Variants in TUSC3 observed in about 807,000 individuals in gnomAD.
The protein encoded by TUSC3 is dolichyl-diphosphooligosaccharide--protein glycosyltransferase subunit TUSC3.
In TUSC3, 45 loss-of-function variants were observed where a neutral mutation model predicts 44.8. The observed-to-expected ratio is 1.00, with a 90% CI of 0.79 to 1.29. The LOEUF (loss-of-function observed/expected upper bound fraction) is 1.29. TUSC3 is among the 50% of genes most tolerant of loss of function. TUSC3 has a pLI of 0.00. For missense variants in TUSC3, 519 were observed against 437.9 expected, an observed-to-expected ratio of 1.19 and a Z score of -1.65; for synonymous variants, 212 against 152.9, an observed-to-expected ratio of 1.39 and a Z score of -2.85.
chr8:15,833,431 C>A, the TUSC3 span, among the ~76,000 whole-genome samples: 3 of 152,094 alleles, frequency 2.0e-5, no homozygotes, highest in Non-Finnish European at 2.9e-5. Context: ...CAGCACTATT[C>A]ACATTAACAA....
At chr8:15,680,829 C>T (rs1808395178) in intron 6 of TUSC3, among the ~76,000 whole-genome samples, 1 of 151,936 alleles carries the variant, frequency 6.6e-6, no homozygotes. Context: ...TTTTCTGTGC[C>T]TATTGTGATG....
intron 1 of TUSC3, among the ~76,000 whole-genome samples, chr8:15,446,643 G>C (rs939277067): frequency 6.6e-6 from 1 of 151,188 alleles, no homozygotes; most frequent in Non-Finnish European, 1.5e-5. Flanking sequence ...AGGAGAATCA[G>C]GCAGGGAGGT....
At chr8:15,800,969 G>T in the TUSC3 span, among the ~76,000 whole-genome samples, 1 of 152,184 alleles carries the variant, frequency 6.6e-6, no homozygotes, top group African/African-American at 2.4e-5. Context: ...CTTATTACAT[G>T]CCTGCACTAT....
intron 1 of TUSC3, among the ~76,000 whole-genome samples, chr8:15,586,442 A>C (rs1361700060): frequency 6.6e-6 from 1 of 152,162 alleles, no homozygotes; most frequent in East Asian, 1.9e-4. Context: ...AGAAGGAGTC[A>C]GTAAAGTAAG....
chr8:15,776,955 C>A, the TUSC3 span, among the ~76,000 whole-genome samples: 1 of 152,154 alleles, frequency 6.6e-6, no homozygotes, highest in East Asian at 1.9e-4. Flanking sequence ...AATTTAACTT[C>A]TGTGTGTTGC....
At chr8:15,539,127 G>A (rs1801584850), upstream of TUSC3, among the ~76,000 whole-genome samples, 4 of 151,862 alleles carry the variant, frequency 2.6e-5, no homozygotes, top group South Asian at 6.2e-4. Context: ...GGGTTTACAG[G>A]TGTGAGCCAC....
chr8:15,486,005 G>A (rs1022668044), intron 2 of TUSC3, among the ~76,000 whole-genome samples: 3 of 152,060 alleles, frequency 2.0e-5, no homozygotes, highest in Non-Finnish European at 4.4e-5. Flanking sequence ...TGTTGGGCAG[G>A]CTGGTCTCAA....
chr8:15,534,355 T>G (rs1801492834), intron 2 of TUSC3, among the ~76,000 whole-genome samples: 1 of 152,052 alleles, frequency 6.6e-6, no homozygotes, highest in African/African-American at 2.4e-5. Context: ...GATAAAAACT[T>G]TAGCCGGGCT....
At chr8:15,542,927 T>C (rs921488561) in intron 1 of TUSC3, among the ~76,000 whole-genome samples, 1 of 152,244 alleles carries the variant, frequency 6.6e-6, no homozygotes, top group African/African-American at 2.4e-5. Context: ...GGATCATTTC[T>C]ATAGTTTGTT....
At chr8:15,669,354 T>C (rs1247869326) in intron 5 of TUSC3, among the ~76,000 whole-genome samples, 1 of 151,780 alleles carries the variant, frequency 6.6e-6, no homozygotes, top group Admixed American at 6.6e-5. Flanking sequence ...AGGTAAACTT[T>C]TCTGTGAATA....
At chr8:15,846,994 C>G in the TUSC3 span, among the ~76,000 whole-genome samples, 3 of 152,096 alleles carry the variant, frequency 2.0e-5, no homozygotes, top group African/African-American at 7.2e-5. Context: ...TCACAAGCAT[C>G]CTGATTTCAA....
intron 2 of TUSC3, among the ~76,000 whole-genome samples, chr8:15,640,320 A>G (rs1479742466): frequency 2.6e-5 from 4 of 152,276 alleles, no homozygotes; most frequent in Non-Finnish European, 5.9e-5. Flanking sequence ...TATCTGGTTC[A>G]CTTCAGACTG....
chr8:15,482,629 A>C lies in TUSC3; in HGVS notation n.92-757A>C, dbSNP rs371923284. Among the ~76,000 whole-genome samples, 84 of 152,344 alleles carry C rather than the reference A, an allele frequency of 5.5e-4. 1 individual carries two copies. The South Asian group carries it at 0.016, about 29-fold the overall frequency. ...TTTCATGCCTGCAAACACAACATCCATTCTGCAGGCCATAGATCAAAGAGT... is the reference window on the plus strand; with the variant it reads ...TTTCATGCCTGCAAACACAACATCCCTTCTGCAGGCCATAGATCAAAGAGT... On this transcript the variant is annotated intron_variant and non_coding_transcript_variant, in intron 1 of 5. Transcript: ENST00000503191.
At chr8:15,572,033 A>G (rs1041052186) in intron 1 of TUSC3, among the ~76,000 whole-genome samples, 1 of 152,102 alleles carries the variant, frequency 6.6e-6, no homozygotes, top group African/African-American at 2.4e-5. Context: ...GGAATGGTAA[A>G]TGAACGTTGG....
In TUSC3 at chr8:15,456,784, G is replaced by A. The variant is rs543320652; in HGVS notation, n.92-26602G>A. ...GACAAATTCAAACAGAGAAGGAGAA[G>A]AGGAGGAGGAAAAAAACTCAACGAC... On this transcript the variant is annotated intron_variant and non_coding_transcript_variant, in intron 1 of 5. Coordinates refer to the TUSC3 transcript ENST00000503191. Among the ~76,000 whole-genome samples the A allele has an allele frequency of 1.4e-4, 22 of 152,114 alleles. 1 individual carries two copies. Among genetic ancestry groups the A allele is most frequent in the African/African-American group, 5.1e-4 (21 of 41,518 alleles).
At chr8:15,643,165 C>T (rs970528989) in intron 2 of TUSC3, among the ~76,000 whole-genome samples, 4 of 152,040 alleles carry the variant, frequency 2.6e-5, no homozygotes, top group Non-Finnish European at 5.9e-5. Context: ...GCCTTGCTTC[C>T]CTTTTGCCTT....
intron 1 of TUSC3, among the ~76,000 whole-genome samples, chr8:15,472,281 A>G (rs1047899411): frequency 2.0e-5 from 3 of 152,220 alleles, no homozygotes; most frequent in African/African-American, 7.2e-5. Flanking sequence ...TCTGTAATTT[A>G]AAAGCCTGAG....
At chr8:15,489,443 TTGC>T in intron 2 of TUSC3, among the ~76,000 whole-genome samples, 1 of 152,288 alleles carries the variant, frequency 6.6e-6, no homozygotes, top group Admixed American at 6.5e-5. Flanking sequence ...CCTTTAGAAG[TTGC>T]TGGACTCTCA....
intron 1 of TUSC3, among the ~76,000 whole-genome samples, chr8:15,569,908 T>A (rs116857484): frequency 9.1e-6 from 1 of 109,304 alleles, no homozygotes; most frequent in African/African-American, 2.8e-5. Flanking sequence ...TCTCTAATTT[T>A]TAAATTCAGC....
Sources: allele counts gnomAD v4.1 joint callset (sites outside exome capture counted in the v4.1 genomes callset), GRCh38; gene constraint gnomAD v4.1.1; transcripts MANE v1.5; gene names NCBI Gene and HGNC (gene_info 2026-07-23, HGNC 2026-07-21).